Variants in SFRP1 observed in about 807,000 individuals in gnomAD.
SFRP1 encodes the protein secreted frizzled related protein 1.
SFRP1 carries 9 observed loss-of-function variants against 25.9 expected under a neutral mutation model. The ratio of observed to expected loss-of-function variants is 0.35; its 90% CI spans 0.21 to 0.61. The LOEUF is 0.61. Ranked by LOEUF, SFRP1 falls within the 20% of genes least tolerant of loss-of-function variation. The pLI is 0.78. For missense variants in SFRP1, 346 were observed against 418.2 expected (o/e 0.83, Z 1.51); for synonymous variants, 178 against 174.0 (o/e 1.02, Z -0.18).
At chr8:41,286,305 T>C (rs1803700316) in intron 2 of SFRP1, among the ~76,000 whole-genome samples, 1 of 152,136 alleles carries the variant, frequency 6.6e-6, no homozygotes, top group African/African-American at 2.4e-5. Context: ...CCCAACACAA[T>C]ACATGGATTC....
intron 1 of SFRP1, chr8:41,306,738 G>T (rs1200854133): frequency 6.3e-7 from 1 of 1,598,050 alleles, no homozygotes; most frequent in East Asian, 2.2e-5. Flanking sequence ...GCTGCTGGGA[G>T]GAGTGGAGGT....
intron 2 of SFRP1, among the ~76,000 whole-genome samples, chr8:41,302,420 C>T (rs1803934449): frequency 6.6e-6 from 1 of 152,222 alleles, no homozygotes; most frequent in African/African-American, 2.4e-5. Context: ...GTGTACTTTA[C>T]CATGTTCGAT....
At chr8:41,283,759 C>A (rs1266361807) in intron 2 of SFRP1, among the ~76,000 whole-genome samples, 1 of 151,950 alleles carries the variant, frequency 6.6e-6, no homozygotes, top group Non-Finnish European at 1.5e-5. Flanking sequence ...GACGGGGTTT[C>A]GCCATGTTGG....
chr8:41,299,979 G>A (rs1803895164), intron 2 of SFRP1, among the ~76,000 whole-genome samples: 1 of 152,192 alleles, frequency 6.6e-6, no homozygotes, highest in Admixed American at 6.5e-5. Context: ...GCAGCCTGCA[G>A]GTGCCGCAGT....
At chr8:41,291,282 C>G (rs1008008353) in intron 2 of SFRP1, among the ~76,000 whole-genome samples, 1 of 152,088 alleles carries the variant, frequency 6.6e-6, no homozygotes, top group Admixed American at 6.6e-5. Flanking sequence ...GTGTTACCAA[C>G]AAGGCCAAAT....
At chr8:41,283,590 T>A (rs1470442890) in intron 2 of SFRP1, among the ~76,000 whole-genome samples, 1 of 151,554 alleles carries the variant, frequency 6.6e-6, no homozygotes, top group Non-Finnish European at 1.5e-5. Context: ...TTTCTTTTTT[T>A]TTTTTTTTGA....
intron 2 of SFRP1, among the ~76,000 whole-genome samples, chr8:41,269,644 A>C (rs2117480179): frequency 6.6e-6 from 1 of 152,182 alleles, no homozygotes; most frequent in African/African-American, 2.4e-5. Context: ...CCCTGCTTCT[A>C]TGAGTGGTGC....
At position 41,265,155 on chromosome 8, in the gene SFRP1, C is replaced by T. The variant is rs1314596360; in HGVS notation, c.*12G>A. ...CACCCGAGGCTCCCTCCCCACCCTG[C>T]CCCCGGGAGAATCACTTAAACACGG... On this transcript the variant is annotated 3_prime_UTR_variant, in exon 3 of 3. Transcript: ENST00000220772. 9 of 1,450,508 alleles carry T rather than the reference C, an allele frequency of 6.2e-6. No homozygotes were observed. The highest frequency in any genetic ancestry group is 7.5e-6 in the Non-Finnish European group (8 of 1,060,328). 89.9% of individuals were successfully genotyped at this position (1,450,508 alleles called of 1,614,324 possible).
intron 1 of SFRP1, chr8:41,306,753 G>C (rs574204284): frequency 3.4e-4 from 543 of 1,598,056 alleles, no homozygotes; most frequent in Admixed American, 6.3e-4. Context: ...GGAGGTGAGT[G>C]AGGACGGTTC....
chr8:41,296,088 T>C (rs1271118415), intron 2 of SFRP1, among the ~76,000 whole-genome samples: 2 of 146,712 alleles, frequency 1.4e-5, no homozygotes, highest in Non-Finnish European at 3.0e-5. Context: ...ATGGGGCAAG[T>C]CCCTCTTCTT....
At chr8:41,304,373 C>T (rs892806168) in intron 1 of SFRP1, among the ~76,000 whole-genome samples, 12 of 152,182 alleles carry the variant, frequency 7.9e-5, no homozygotes, top group Non-Finnish European at 1.6e-4. Context: ...AGAGGGAGAG[C>T]AGGACGGCGC....
chr8:41,307,057 A>C (rs2117524090), intron 1 of SFRP1: 1 of 1,407,786 alleles, frequency 7.1e-7, no homozygotes. Flanking sequence ...GGCTGGGCAC[A>C]GCCTCACAGG....
chr8:41,293,596 A>C (rs758499940), intron 2 of SFRP1, among the ~76,000 whole-genome samples: 12 of 151,906 alleles, frequency 7.9e-5, no homozygotes, highest in Non-Finnish European at 1.6e-4. Flanking sequence ...CTTCTCTAGG[A>C]AAGTTCCCTG....
intron 2 of SFRP1, among the ~76,000 whole-genome samples, chr8:41,280,984 C>T (rs1803628538): frequency 6.6e-6 from 1 of 152,254 alleles, no homozygotes; most frequent in African/African-American, 2.4e-5. Context: ...AGGGACCGTG[C>T]TTCTCTTCCT....
chr8:41,297,375 T>A (rs1005716462), intron 2 of SFRP1, among the ~76,000 whole-genome samples: 1 of 151,880 alleles, frequency 6.6e-6, no homozygotes, highest in African/African-American at 2.4e-5. Flanking sequence ...TCCAAATGGG[T>A]TTTTTAAAAG....
chr8:41,303,503 T>C lies in SFRP1; in HGVS notation c.580A>G (p.Lys194Glu). 1.2e-6 allele frequency: 2 copies of C among 1,614,002 alleles called. No individual in the cohort carries two copies. The highest frequency in any genetic ancestry group is 1.7e-6 in the Non-Finnish European group (2 of 1,179,966). ...AGATGTTCAATGATGGCCTCAGATT[T>C]CAACTCGTTGTCACAGGGAGGACAC... ...TVCPPCDNEL[K>E]SEAIIEHLCA... Residue 194 changes from lysine to glutamate, a missense_variant, in exon 2 of 3, where the codon AAA (lysine) becomes GAA (glutamate). Transcript: ENST00000220772.
rs1300336701 is a variant in SFRP1, at chr8:41,264,574, C to T, written c.*593G>A. 1 of 152,430 alleles carries T rather than the reference C, an allele frequency of 6.6e-6. No homozygotes were observed. Among genetic ancestry groups the T allele is most frequent in the Non-Finnish European group, 1.5e-5 (1 of 68,220 alleles). 9.4% of individuals were successfully genotyped at this position (152,430 alleles called of 1,614,324 possible). A position where few individuals can be genotyped will look rare whatever the true frequency, so the allele number is the denominator to read the frequency against. On this transcript the variant is annotated 3_prime_UTR_variant, in exon 3 of 3. Coordinates refer to ENST00000220772, the MANE Select transcript of SFRP1 (RefSeq NM_003012.5). ...TGGGCAGAGAAGGCAATGCCTCTCC[C>T]CTGGTCCCTTTGCTGTCACTATTAC...
intron 1 of SFRP1, among the ~76,000 whole-genome samples, chr8:41,307,723 C>G (rs1296788607): frequency 2.0e-5 from 3 of 152,120 alleles, no homozygotes; most frequent in Non-Finnish European, 4.4e-5. Flanking sequence ...TTTGACTTCC[C>G]AGGATTTTTT....
intron 1 of SFRP1, among the ~76,000 whole-genome samples, chr8:41,308,360 T>C (rs1435163676): frequency 1.3e-5 from 2 of 152,126 alleles, no homozygotes; most frequent in Non-Finnish European, 2.9e-5. Context: ...AGCGAGTCCC[T>C]GCGAGGCCAA....
Sources: allele counts gnomAD v4.1 joint callset (sites outside exome capture counted in the v4.1 genomes callset), GRCh38; gene constraint gnomAD v4.1.1; transcripts MANE v1.5; gene names NCBI Gene and HGNC (gene_info 2026-07-23, HGNC 2026-07-21).